The following PITPNM3 variants were observed in gnomAD, a reference collection of about 807,000 sequenced individuals.
PITPNM3 encodes membrane-associated phosphatidylinositol transfer protein 3.
Under a neutral mutation model 102.0 loss-of-function variants are expected in PITPNM3, and 26 were observed. The observed-to-expected ratio is 0.25, with a 90% CI of 0.19 to 0.35. The LOEUF (loss-of-function observed/expected upper bound fraction) is 0.35. Among genes scored for constraint, PITPNM3 ranks in the 10% least tolerant of loss-of-function variants. The pLI, the probability that PITPNM3 is intolerant of heterozygous loss-of-function variation, is 1.00. For synonymous variants in PITPNM3, 578 were observed against 558.6 expected, an observed-to-expected ratio of 1.03 and a Z score of -0.49; for missense variants, 1,083 against 1,346.1, an observed-to-expected ratio of 0.80 and a Z score of 3.06.
At chr17:6,533,596 A>G (rs916796165) in intron 2 of PITPNM3, among the ~76,000 whole-genome samples, 1 of 151,996 alleles carries the variant, frequency 6.6e-6, no homozygotes, top group African/African-American at 2.4e-5. Flanking sequence ...CTGGGATTAC[A>G]GGTGTGTGTC....
At chr17:6,542,518 G>T (rs982163837) in intron 1 of PITPNM3, among the ~76,000 whole-genome samples, 1 of 152,176 alleles carries the variant, frequency 6.6e-6, no homozygotes, top group Non-Finnish European at 1.5e-5. Flanking sequence ...GTTAGAACAC[G>T]GGCTTTGGAA....
intron 3 of PITPNM3, among the ~76,000 whole-genome samples, chr17:6,511,932 G>A (rs1278442389): frequency 6.6e-6 from 1 of 152,148 alleles, no homozygotes; most frequent in Non-Finnish European, 1.5e-5. Flanking sequence ...GCGACAGAGC[G>A]AGACTCCATC....
intron 2 of PITPNM3, among the ~76,000 whole-genome samples, chr17:6,530,532 G>C (rs998671401): frequency 6.6e-6 from 1 of 152,154 alleles, no homozygotes; most frequent in African/African-American, 2.4e-5. Context: ...AAGAAACCAA[G>C]GACACAAAAG....
At chr17:6,509,992 A>C (rs1597393131) in intron 3 of PITPNM3, among the ~76,000 whole-genome samples, 2 of 129,264 alleles carry the variant, frequency 1.5e-5, no homozygotes, top group East Asian at 2.2e-4. Context: ...TCCACACCTC[A>C]CCCCCAGCCC....
In PITPNM3 at chr17:6,457,752, G is replaced by A; in HGVS notation, c.2491-30C>T. ...AACACAGGGCAGGCATAGGGGGAGAGTGAGGCCAGCCCACCCCCTGGAAAG... is the reference window on the plus strand; with the variant it reads ...AACACAGGGCAGGCATAGGGGGAGAATGAGGCCAGCCCACCCCCTGGAAAG... On this transcript the variant is annotated intron_variant, in intron 18 of 19. Transcript: ENST00000262483. This position sits in a 1 kb window ranked among gnomAD's most constrained non-coding sequence, Gnocchi z 4.7. 1 of 1,561,848 alleles carries A rather than the reference G, an allele frequency of 6.4e-7. No individual in the cohort carries two copies. Among genetic ancestry groups the A allele is most frequent in the East Asian group, 2.4e-5 (1 of 42,138 alleles).
intron 2 of PITPNM3, among the ~76,000 whole-genome samples, chr17:6,533,039 C>T (rs1422382134): frequency 2.6e-5 from 4 of 152,126 alleles, no homozygotes; most frequent in East Asian, 1.9e-4. Context: ...CTCAGCTCAT[C>T]GCCACCTCTG....
At position 6,474,461 on chromosome 17, in the gene PITPNM3, A is replaced by G; in HGVS notation, c.1229T>C (p.Met410Thr). ...CAGCCCAGGCAGCACCGTCCTCCGC[A>G]TGGCCAGGACCAGGCCCAGTGGCGA... is the stretch of plus-strand genomic sequence containing the variant. ...FGSPLGLVLA[M>T]RRTVLPGLDG... Residue 410 changes from methionine to threonine, a missense_variant, in exon 10 of 20, where the codon ATG becomes ACG. By Grantham distance (81) the Met-to-Thr change is moderately conservative. Coordinates refer to ENST00000262483, the MANE Select transcript of PITPNM3 (RefSeq NM_031220.4). 1 of 1,613,586 alleles carries G rather than the reference A, an allele frequency of 6.2e-7. No homozygotes were observed. The highest frequency in any genetic ancestry group is 8.5e-7 in the Non-Finnish European group (1 of 1,179,976).
chr17:6,516,076 G>C (rs1908156600), intron 3 of PITPNM3, among the ~76,000 whole-genome samples: 1 of 152,192 alleles, frequency 6.6e-6, no homozygotes, highest in Non-Finnish European at 1.5e-5. Flanking sequence ...AGAAGGCTGA[G>C]GCAGGAGAAT....
At chr17:6,507,492 G>A (rs773036182) in intron 3 of PITPNM3, among the ~76,000 whole-genome samples, 2 of 152,144 alleles carry the variant, frequency 1.3e-5, no homozygotes, top group Non-Finnish European at 2.9e-5. Flanking sequence ...GCTGAGGCAG[G>A]AGAATCACTT....
chr17:6,534,562 G>A (rs543968709), intron 2 of PITPNM3, among the ~76,000 whole-genome samples: 100 of 152,284 alleles, frequency 6.6e-4, no homozygotes, highest in Non-Finnish European at 1.3e-3. Flanking sequence ...CTAAACTCCC[G>A]GGTTCCAGCC....
rs1373246074 is a variant in PITPNM3, at chr17:6,451,625, GC to G, written c.*3712del. 1.3e-5 allele frequency: 2 copies of G among 152,180 alleles called. No homozygotes were observed. Among genetic ancestry groups the G allele is most frequent in the East Asian group, 1.9e-4 (1 of 5,190 alleles). The allele number at this position is 152,180 out of a possible 1,614,324, so 9.4% of individuals were successfully genotyped here. On this transcript the variant is annotated 3_prime_UTR_variant, in exon 20 of 20. Coordinates refer to ENST00000262483, the MANE Select transcript of PITPNM3 (RefSeq NM_031220.4). Reference sequence around the variant, plus strand: ...TGCACGAGTCGCCCTCCTCTGGCCTGCCCCCCCTCGGGTCACCTGTTTCTCC... The same window carrying G: ...TGCACGAGTCGCCCTCCTCTGGCCTGCCCCCCTCGGGTCACCTGTTTCTCC...
chr17:6,488,168 C>T (rs1906212487), intron 4 of PITPNM3, among the ~76,000 whole-genome samples: 1 of 152,174 alleles, frequency 6.6e-6, no homozygotes, highest in African/African-American at 2.4e-5. Flanking sequence ...GTACCTTCCC[C>T]ACAGGTCTCT....
At chr17:6,481,862 AGAGAGAGAGAGAG>A (rs1905713317) in intron 6 of PITPNM3, 1 of 68,362 alleles carries the variant, frequency 1.5e-5, no homozygotes, top group African/African-American at 7.2e-5. Context: ...ATAGAGAGAG[AGAGAGAGAGAGAG>A]AGAGAGAGAG....
Position 6,556,465 on chromosome 17 carries a change from C to A in PITPNM3, c.-59G>T. 1 of 1,128,464 alleles carries A rather than the reference C, an allele frequency of 8.9e-7. No homozygotes were observed. The highest frequency in any genetic ancestry group is 4.7e-5 in the East Asian group (1 of 21,402). The allele number at this position is 1,128,464 out of a possible 1,614,324, so 69.9% of individuals were successfully genotyped here. On this transcript the variant is annotated 5_prime_UTR_variant, in exon 1 of 20. Transcript: ENST00000262483. This position sits in a 1 kb window ranked among gnomAD's most constrained non-coding sequence, Gnocchi z 5.2. The stretch of plus-strand genomic sequence containing the variant: ...CGCTCCTCGCGCTTCCCGGGCCCGG[C>A]CCCGACCGCCTCCGGCCCCGAACGG...
At chr17:6,497,855 G>A (rs1482155112) in intron 4 of PITPNM3, among the ~76,000 whole-genome samples, 2 of 152,204 alleles carry the variant, frequency 1.3e-5, no homozygotes, top group Non-Finnish European at 2.9e-5. Flanking sequence ...CTGCATGGGG[G>A]TGGGGCAGAG....
chr17:6,542,158 A>T (rs1430875199), intron 1 of PITPNM3, among the ~76,000 whole-genome samples: 1 of 152,206 alleles, frequency 6.6e-6, no homozygotes, highest in Non-Finnish European at 1.5e-5. Context: ...CTGGCTCCTC[A>T]TGGGGGCCCT....
intron 17 of PITPNM3, 94 bp downstream of exon 17, chr17:6,463,638 T>C: frequency 6.6e-7 from 1 of 1,504,402 alleles, no homozygotes; most frequent in Non-Finnish European, 9.0e-7. Flanking sequence ...CCGGTAGAAT[T>C]CCTACAGCAA....
intron 3 of PITPNM3, among the ~76,000 whole-genome samples, chr17:6,514,053 G>A (rs1908013211): frequency 6.6e-6 from 1 of 152,212 alleles, no homozygotes; most frequent in East Asian, 1.9e-4. Context: ...ATGGTGCCGG[G>A]AAAACTAGTT....
At chr17:6,509,976 C>T (rs185485905) in intron 3 of PITPNM3, among the ~76,000 whole-genome samples, 41 of 152,188 alleles carry the variant, frequency 2.7e-4, no homozygotes, top group African/African-American at 9.9e-4. Flanking sequence ...TTTACCACCC[C>T]CTAGCTCCAC....
Sources: gnomAD v4.1 joint callset for allele counts (sites outside exome capture counted in the v4.1 genomes callset) on GRCh38, gnomAD v4.1.1 for gene constraint, Gnocchi (gnomAD v3.1) non-coding constraint, MANE v1.5 for transcripts, NCBI Gene and HGNC (gene_info 2026-07-23, HGNC 2026-07-21) for gene names.